Variants in PCM1 observed in about 807,000 individuals in gnomAD.
The protein encoded by PCM1 is pericentriolar material 1.
A neutral mutation model predicts 241.9 loss-of-function variants in PCM1; 157 were observed. The observed-to-expected ratio is 0.65, with a 90% confidence interval of 0.57 to 0.74. PCM1 has a LOEUF of 0.74. Ranked by LOEUF, PCM1 falls within the 30% of genes least tolerant of loss-of-function variation. The pLI is 0.00. For synonymous variants in PCM1, 1,085 were observed against 784.9 expected (o/e 1.38, Z -6.39); for missense variants, 3,478 against 2,360.1 (o/e 1.47, Z -9.81).
chr8:17,997,442 G>GTC (rs2087294350), intron 29 of PCM1, among the ~76,000 whole-genome samples: 1 of 151,984 alleles, frequency 6.6e-6, no homozygotes, highest in South Asian at 2.1e-4. Flanking sequence ...TACTACCTCT[G>GTC]TCTCTCTCTA....
intron 23 of PCM1, among the ~76,000 whole-genome samples, chr8:17,975,853 A>G (rs1354651312): frequency 2.6e-5 from 4 of 152,144 alleles, no homozygotes; most frequent in African/African-American, 9.7e-5. Flanking sequence ...TAAATTATGT[A>G]ATAATCGTAT....
chr8:17,940,279 T>A, intron 6 of PCM1: 1 of 584,588 alleles, frequency 1.7e-6, no homozygotes, highest in Non-Finnish European at 3.0e-6. Flanking sequence ...GAAGAACCCC[T>A]CAAATTGTTA....
At chr8:17,983,164 T>C (rs1372771221) in intron 24 of PCM1, 5 of 702,880 alleles carry the variant, frequency 7.1e-6, no homozygotes, top group East Asian at 5.3e-5. Flanking sequence ...CACTTATTCA[T>C]GTTATAGACC....
chr8:18,012,011 G>A (rs557678345), intron 34 of PCM1, among the ~76,000 whole-genome samples, 184 bp downstream of exon 34: 1 of 152,180 alleles, frequency 6.6e-6, no homozygotes, highest in African/African-American at 2.4e-5. Context: ...GTTTTTTAGA[G>A]ACAGGGTCTT....
chr8:17,991,801 C>T (rs999252537), intron 28 of PCM1, 101 bp downstream of exon 28: 26 of 817,986 alleles, frequency 3.2e-5, no homozygotes, highest in East Asian at 3.0e-4. Flanking sequence ...GTGCACCCAT[C>T]GCCTGAGCAG....
Position 17,986,062 on chromosome 8 carries a change from G to A in PCM1, c.4385G>A (p.Ser1462Asn). 1 of 1,595,660 alleles carries A rather than the reference G, an allele frequency of 6.3e-7. No homozygotes were observed. Among genetic ancestry groups the A allele is most frequent in the Non-Finnish European group, 8.5e-7 (1 of 1,170,466 alleles). The change falls in exon 26 of 39, where the codon AGT becomes AAT. Residue 1462 changes from serine to asparagine, a missense_variant. Transcript: ENST00000325083. Reference sequence around the variant, plus strand: ...GCATCAAACTCAGAACTTACTCCTAGTGAGAGCCTTGCTACTACTGATGAT... The same window carrying A: ...GCATCAAACTCAGAACTTACTCCTAATGAGAGCCTTGCTACTACTGATGAT... ...WIASNSELTP[S>N]ESLATTDDET... is the part of the protein sequence containing the mutation.
At chr8:17,977,673 G>C (rs550969974) in intron 23 of PCM1, among the ~76,000 whole-genome samples, 7 of 152,254 alleles carry the variant, frequency 4.6e-5, no homozygotes, top group African/African-American at 1.7e-4. Context: ...TTGGCAGAAA[G>C]GTTATTGAGT....
intron 28 of PCM1, 42 bp downstream of exon 28, chr8:17,991,742 G>A (rs2084706259): frequency 7.0e-7 from 1 of 1,432,572 alleles, no homozygotes; most frequent in Non-Finnish European, 9.5e-7. Flanking sequence ...AGAACAGGTG[G>A]TGTTTGGTTA....
At chr8:18,001,105 C>A (rs1224727310) in intron 29 of PCM1, among the ~76,000 whole-genome samples, 4 of 152,108 alleles carry the variant, frequency 2.6e-5, no homozygotes, top group Non-Finnish European at 5.9e-5. Flanking sequence ...GATGTGGGAC[C>A]AGGTGATTCA....
chr8:17,923,592 G>A (rs531235495), intron 1 of PCM1, among the ~76,000 whole-genome samples: 40 of 152,156 alleles, frequency 2.6e-4, no homozygotes, highest in African/African-American at 8.7e-4. Context: ...AACAGGCCTT[G>A]GTGGCCATAG....
intron 15 of PCM1, among the ~76,000 whole-genome samples, chr8:17,961,777 A>G (rs963266313): frequency 6.6e-6 from 1 of 152,194 alleles, no homozygotes; most frequent in African/African-American, 2.4e-5. Context: ...AGGTGGGTTA[A>G]GTATACAAAA....
At chr8:17,999,666 C>T (rs774425858) in intron 29 of PCM1, among the ~76,000 whole-genome samples, 2 of 152,184 alleles carry the variant, frequency 1.3e-5, no homozygotes, top group Non-Finnish European at 2.9e-5. Context: ...GTCTTTCCTA[C>T]CCTCAGTGTC....
At chr8:17,931,890 T>C (rs1274392877) in intron 2 of PCM1, among the ~76,000 whole-genome samples, 1 of 152,122 alleles carries the variant, frequency 6.6e-6, no homozygotes, top group Non-Finnish European at 1.5e-5. Flanking sequence ...ATTTCTAGTA[T>C]AAATAATTAC....
Position 17,980,758 on chromosome 8 carries a change from AT to A in PCM1, c.4108+4del, listed in dbSNP as rs1564134616. On this transcript the variant is annotated splice_donor_region_variant and intron_variant, in intron 24 of 38. Coordinates refer to ENST00000325083, the MANE Select transcript of PCM1 (RefSeq NM_006197.4). ...TAGGTCTACAGAAATATCTTCAGGT[AT>A]GTTCTTTTTTGGTTTGCATTAATAT... is the stretch of plus-strand genomic sequence containing the variant. The A allele has an allele frequency of 6.3e-7, 1 of 1,599,260 alleles. No homozygotes were observed. The highest frequency in any genetic ancestry group is 8.5e-7 in the Non-Finnish European group (1 of 1,174,508).
At chr8:17,970,122 T>C (rs1564046520) in intron 22 of PCM1, among the ~76,000 whole-genome samples, 1 of 152,156 alleles carries the variant, frequency 6.6e-6, no homozygotes, top group Non-Finnish European at 1.5e-5. Flanking sequence ...TTAGAATCAC[T>C]TCCTAAAGCC....
rs778250723 is a variant in PCM1 at position 17,964,714 on chromosome 8, G to T, written c.2801G>T (p.Cys934Phe). 2 of 1,613,860 alleles carry T rather than the reference G, an allele frequency of 1.2e-6. No individual in the cohort carries two copies. The highest frequency in any genetic ancestry group is 1.7e-6 in the Non-Finnish European group (2 of 1,179,786). The change falls in exon 18 of 39, where the codon TGT becomes TTT. Residue 934 changes from cysteine to phenylalanine, a missense_variant. Physicochemically the swap from Cys to Phe is radical, Grantham distance 205. Coordinates refer to ENST00000325083, the MANE Select transcript of PCM1 (RefSeq NM_006197.4). ...DASSNDNFSV[C>F]PSNSVNHNSY... ...AGTTCCAATGATAACTTTTCTGTGT[G>T]TCCTTCTAACAGTGTGAATCATAAC...
intron 38 of PCM1, among the ~76,000 whole-genome samples, chr8:18,026,409 C>T (rs1441804751): frequency 2.0e-5 from 3 of 150,720 alleles, no homozygotes; most frequent in African/African-American, 2.4e-5. Context: ...AGGCGCCCGC[C>T]ACCACGCCTG....
At chr8:17,963,420 C>T (rs208057) in intron 17 of PCM1, 129 bp downstream of exon 17, 29,909 of 606,162 alleles carry the variant, frequency 0.049, 1,219 homozygotes, top group African/African-American at 0.15. Context: ...TACTGTTTAA[C>T]TACCACCTTT....
At chr8:17,996,450 C>G (rs1199144603) in intron 29 of PCM1, among the ~76,000 whole-genome samples, 1 of 152,036 alleles carries the variant, frequency 6.6e-6, no homozygotes, top group African/African-American at 2.4e-5. Flanking sequence ...GTTGTAATGT[C>G]TCCTTTTTCA....
Sources: gnomAD v4.1 joint callset for allele counts (sites outside exome capture counted in the v4.1 genomes callset) on GRCh38, gnomAD v4.1.1 for gene constraint, MANE v1.5 for transcripts, NCBI Gene and HGNC (gene_info 2026-07-23, HGNC 2026-07-21) for gene names.